The following CEP85L variants were observed in gnomAD, a reference collection of about 807,000 sequenced individuals.
The protein encoded by CEP85L is centrosomal protein 85L.
CEP85L carries 60 observed loss-of-function variants against 100.3 expected under a neutral mutation model. The ratio of observed to expected loss-of-function variants is 0.60; its 90% CI spans 0.49 to 0.74. The LOEUF (loss-of-function observed/expected upper bound fraction) is 0.74. Ranked by LOEUF, CEP85L falls within the 30% of genes least tolerant of loss-of-function variation. CEP85L has a pLI of 0.00. For missense variants in CEP85L, 973 were observed against 936.2 expected, an observed-to-expected ratio of 1.04 and a Z score of -0.51; for synonymous variants, 319 against 322.7, an observed-to-expected ratio of 0.99 and a Z score of 0.12.
chr6:118,470,629 G>T lies in CEP85L; in HGVS notation c.1930C>A (p.Leu644Ile). The T allele has an allele frequency of 6.3e-7, 1 of 1,596,878 alleles. No homozygotes were observed. The highest frequency in any genetic ancestry group is 2.3e-5 in the East Asian group (1 of 43,872). ...ILEIQSMQGKLSKEKLTTQKM... is the reference protein window; with the variant it reads ...ILEIQSMQGKISKEKLTTQKM... ...TGAGTGGTCAGTTTCTCTTTAGAAA[G>T]CTTTCCTTGCATAGACTAGAATTTT... The change falls in exon 11 of 13, where the codon CTT becomes ATT. Residue 644 changes from leucine (L) to isoleucine (I), a missense_variant. This residue lies in a region of CEP85L where 890 missense variants were observed against 844.5 expected (regional missense o/e 1.05). Coordinates refer to ENST00000368491, the MANE Select transcript of CEP85L (RefSeq NM_001042475.3).
intron 1 of CEP85L, among the ~76,000 whole-genome samples, chr6:118,677,701 A>G (rs1349028590): frequency 6.6e-6 from 1 of 152,108 alleles, no homozygotes; most frequent in East Asian, 1.9e-4. Context: ...CTTCTCCTGT[A>G]TTTTCTATCT....
chr6:118,643,396 A>T (rs970589565), intron 1 of CEP85L, among the ~76,000 whole-genome samples: 1 of 152,232 alleles, frequency 6.6e-6, no homozygotes, highest in Non-Finnish European at 1.5e-5. Context: ...AAAATGCTAA[A>T]CTACATGAAA....
intron 6 of CEP85L, among the ~76,000 whole-genome samples, chr6:118,489,500 T>C (rs1397777691): frequency 1.3e-5 from 2 of 152,166 alleles, no homozygotes; most frequent in Admixed American, 6.5e-5. Flanking sequence ...AATCCACACA[T>C]GCTCAATTCC....
chr6:118,652,246 A>G (rs565430874), upstream of CEP85L, among the ~76,000 whole-genome samples: 3 of 152,202 alleles, frequency 2.0e-5, no homozygotes, highest in African/African-American at 7.2e-5. Context: ...AAATGGCACC[A>G]AAGTCTGTAA....
intron 2 of CEP85L, among the ~76,000 whole-genome samples, chr6:118,628,638 AAAC>A (rs1457483274): frequency 9.5e-5 from 1 of 10,544 alleles, no homozygotes; most frequent in Non-Finnish European, 2.5e-4. Context: ...CCATCCAAAA[AAAC>A]AAACAAACAA....
chr6:118,549,904 TAC>T (rs1396430980), intron 3 of CEP85L, among the ~76,000 whole-genome samples: 10 of 151,978 alleles, frequency 6.6e-5, no homozygotes, highest in African/African-American at 1.7e-4. Flanking sequence ...TAACAGAAAT[TAC>T]AGTTACAGAG....
chr6:118,704,311 A>G (rs1227000918), intron 1 of CEP85L, among the ~76,000 whole-genome samples: 1 of 152,186 alleles, frequency 6.6e-6, no homozygotes, highest in Non-Finnish European at 1.5e-5. Context: ...TGCCTATAAT[A>G]AAATGTTATA....
intron 4 of CEP85L, among the ~76,000 whole-genome samples, chr6:118,517,853 TATG>T (rs1776373720): frequency 6.6e-6 from 1 of 152,236 alleles, no homozygotes; most frequent in Non-Finnish European, 1.5e-5. Flanking sequence ...GCCCATTCAT[TATG>T]ATATTGGCGG....
chr6:118,615,734 A>C (rs932670578), intron 2 of CEP85L, among the ~76,000 whole-genome samples: 3 of 152,208 alleles, frequency 2.0e-5, no homozygotes, highest in Admixed American at 2.0e-4. Flanking sequence ...GAGGGCAGTC[A>C]ACCACACCTA....
intron 5 of CEP85L, 54 bp downstream of exon 5, chr6:118,511,241 ATAT>A: frequency 1.0e-6 from 1 of 995,348 alleles, no homozygotes. Flanking sequence ...CAAGGTAAGT[ATAT>A]TATTAACACA....
At chr6:118,466,059 C>CA (rs1772496587) in intron 12 of CEP85L, among the ~76,000 whole-genome samples, 1 of 152,064 alleles carries the variant, frequency 6.6e-6, no homozygotes, top group South Asian at 2.1e-4. Context: ...ATGAGAGAGA[C>CA]AGAGAGGGAG....
intron 1 of CEP85L, chr6:118,646,922 C>A (rs1161282612): frequency 8.1e-6 from 8 of 984,872 alleles, no homozygotes; most frequent in Non-Finnish European, 9.6e-6. Context: ...ATTGCTTGGC[C>A]TCAGATTAAT....
chr6:118,598,361 A>G (rs1056348411), intron 2 of CEP85L, among the ~76,000 whole-genome samples: 2 of 152,192 alleles, frequency 1.3e-5, no homozygotes, highest in African/African-American at 4.8e-5. Flanking sequence ...TGTCCTCCAT[A>G]AAAATACATT....
At chr6:118,548,883 TA>T (rs2114917902) in intron 3 of CEP85L, among the ~76,000 whole-genome samples, 1 of 152,126 alleles carries the variant, frequency 6.6e-6, no homozygotes, top group Non-Finnish European at 1.5e-5. Flanking sequence ...ATTCCAATAT[TA>T]TCATAATTTC....
chr6:118,583,982 C>T (rs149850748), intron 2 of CEP85L, among the ~76,000 whole-genome samples: 1 of 152,316 alleles, frequency 6.6e-6, no homozygotes, highest in East Asian at 1.9e-4. Context: ...ACTGTCAATA[C>T]CGGTTTGCCT....
intron 2 of CEP85L, among the ~76,000 whole-genome samples, chr6:118,629,830 A>G (rs1322174495): frequency 6.6e-6 from 1 of 152,186 alleles, no homozygotes; most frequent in African/African-American, 2.4e-5. Flanking sequence ...TAAGCTGTTC[A>G]TGATCCATTT....
intron 1 of CEP85L, among the ~76,000 whole-genome samples, chr6:118,633,005 A>T (rs1294520806): frequency 6.6e-6 from 1 of 152,216 alleles, no homozygotes; most frequent in African/African-American, 2.4e-5. Context: ...AAAATTCAAT[A>T]ATAATGCATG....
intron 2 of CEP85L, among the ~76,000 whole-genome samples, chr6:118,567,247 G>GTA (rs1323097174): frequency 1.1e-3 from 36 of 31,918 alleles, no homozygotes; most frequent in Non-Finnish European, 1.5e-3. Flanking sequence ...GTGTGTGTGT[G>GTA]TGTATATATA....
At chr6:118,679,480 A>T (rs554604858) in intron 1 of CEP85L, among the ~76,000 whole-genome samples, 1 of 152,362 alleles carries the variant, frequency 6.6e-6, no homozygotes, top group South Asian at 2.1e-4. Context: ...ATAATTCCTT[A>T]TTCCTGAAGT....
Sources: allele counts gnomAD v4.1 joint callset (sites outside exome capture counted in the v4.1 genomes callset), GRCh38; gene constraint gnomAD v4.1.1; regional missense constraint gnomAD v4.1.1; transcripts MANE v1.5; gene names NCBI Gene and HGNC (gene_info 2026-07-23, HGNC 2026-07-21).